The following MYO9B variants were observed in gnomAD, a reference collection of about 807,000 sequenced individuals.
MYO9B encodes the protein unconventional myosin-IXb.
Under a neutral mutation model 229.5 loss-of-function variants are expected in MYO9B, and 71 were observed. The ratio of observed to expected loss-of-function variants is 0.31; its 90% CI spans 0.26 to 0.38. The LOEUF (loss-of-function observed/expected upper bound fraction) is 0.38. Among genes scored for constraint, MYO9B ranks in the 10% least tolerant of loss-of-function variants. MYO9B has a pLI of 1.00. For synonymous variants in MYO9B, 1,185 were observed against 1,235.8 expected (o/e 0.96, Z 0.86); for missense variants, 2,255 against 2,920.5 (o/e 0.77, Z 5.25).
At chr19:17,109,988 C>T (rs1283666911) in intron 2 of MYO9B, among the ~76,000 whole-genome samples, 1 of 152,164 alleles carries the variant, frequency 6.6e-6, no homozygotes, top group Admixed American at 6.5e-5. Context: ...AAGCCTAACC[C>T]GGGGTTTGAA....
chr19:17,120,724 G>A (rs2057955457), intron 2 of MYO9B, among the ~76,000 whole-genome samples: 1 of 151,994 alleles, frequency 6.6e-6, no homozygotes, highest in South Asian at 2.1e-4. Flanking sequence ...AGTCCTCATG[G>A]TGAGTATTGA....
intron 1 of MYO9B, among the ~76,000 whole-genome samples, chr19:17,081,188 C>T (rs2057530870): frequency 6.6e-6 from 1 of 151,992 alleles, no homozygotes; most frequent in South Asian, 2.1e-4. Flanking sequence ...CCACCACGCC[C>T]AGCTACTTTT....
intron 2 of MYO9B, among the ~76,000 whole-genome samples, chr19:17,113,437 C>G (rs967711337): frequency 6.6e-6 from 1 of 152,134 alleles, no homozygotes. Context: ...TCAGGAGTTT[C>G]CCCCCTGCTC....
chr19:17,210,809 A>C lies in MYO9B; in HGVS notation c.5891A>C (p.Glu1964Ala). The change falls in exon 38 of 40, where the codon GAG becomes GCG. Residue 1964 changes from glutamate to alanine, a missense_variant. Coordinates refer to ENST00000682292, the MANE Select transcript of MYO9B (RefSeq NM_004145.4). ...GGCGGCGATGAGGACCGGGAAAAGG[A>C]GATTCTCATTGAACGGATCCAGTCC... ...AAGGDEDREK[E>A]ILIERIQSIK... The C allele has an allele frequency of 6.3e-7, 1 of 1,597,590 alleles. No individual in the cohort carries two copies. The highest frequency in any genetic ancestry group is 8.5e-7 in the Non-Finnish European group (1 of 1,172,688).
intron 35 of MYO9B, among the ~76,000 whole-genome samples, chr19:17,208,740 A>G (rs1337583052): frequency 6.6e-6 from 1 of 152,200 alleles, no homozygotes; most frequent in African/African-American, 2.4e-5. Context: ...GGTGAATGGT[A>G]GTGGATTCCT....
chr19:17,210,688 G>A, intron 37 of MYO9B, 27 bp from the exon 38 acceptor site: 6 of 1,515,960 alleles, frequency 4.0e-6, no homozygotes, highest in Non-Finnish European at 5.3e-6. Context: ...AGAGATGTCA[G>A]TGGGACCCCT....
At chr19:17,187,410 C>T (rs921105768) in intron 18 of MYO9B, among the ~76,000 whole-genome samples, 6 of 152,044 alleles carry the variant, frequency 3.9e-5, no homozygotes, top group African/African-American at 7.2e-5. Context: ...GCCCGGAACA[C>T]TGGGCTTTGT....
intron 2 of MYO9B, among the ~76,000 whole-genome samples, chr19:17,110,058 G>A (rs1179601023): frequency 1.3e-5 from 2 of 152,084 alleles, no homozygotes; most frequent in East Asian, 1.9e-4. Flanking sequence ...TCTCTCGCCC[G>A]GGCTGCAGAA....
At chr19:17,117,762 AC>A (rs1161440059) in intron 2 of MYO9B, among the ~76,000 whole-genome samples, 14 of 151,868 alleles carry the variant, frequency 9.2e-5, no homozygotes, top group African/African-American at 3.4e-4. Flanking sequence ...ACATGGTGAA[AC>A]CCCATCTCTA....
At chr19:17,152,238 G>A (rs1349434361) in intron 3 of MYO9B, among the ~76,000 whole-genome samples, 3 of 151,522 alleles carry the variant, frequency 2.0e-5, no homozygotes, top group African/African-American at 7.3e-5. Context: ...CACTAGGGTG[G>A]CTAGAATAAA....
chr19:17,187,267 T>C (rs1164224254), intron 18 of MYO9B, among the ~76,000 whole-genome samples: 2 of 152,192 alleles, frequency 1.3e-5, no homozygotes, highest in Non-Finnish European at 2.9e-5. Flanking sequence ...CAGCATCTCC[T>C]CTCTCCTGGG....
intron 2 of MYO9B, among the ~76,000 whole-genome samples, chr19:17,121,234 C>T (rs563523050): frequency 1.3e-4 from 20 of 152,246 alleles, no homozygotes; most frequent in Admixed American, 1.1e-3. Flanking sequence ...TCAGCCACGG[C>T]GCCTGGCCTG....
intron 2 of MYO9B, among the ~76,000 whole-genome samples, chr19:17,105,905 C>G (rs1359771673): frequency 1.3e-5 from 2 of 152,146 alleles, no homozygotes; most frequent in African/African-American, 2.4e-5. Context: ...TTTACATCAG[C>G]TTTTAATAAA....
chr19:17,110,541 C>T (rs2145074678), intron 2 of MYO9B, among the ~76,000 whole-genome samples: 1 of 152,320 alleles, frequency 6.6e-6, no homozygotes, highest in East Asian at 1.9e-4. Flanking sequence ...AGGCTGAGTC[C>T]AGGGGGCCAA....
At chr19:17,116,926 G>A (rs933010632) in intron 2 of MYO9B, among the ~76,000 whole-genome samples, 16 of 152,082 alleles carry the variant, frequency 1.1e-4, no homozygotes, top group Non-Finnish European at 8.8e-5. Context: ...CCTGACGTTT[G>A]GAATGATCTA....
chr19:17,168,906 G>A (rs936617883), intron 11 of MYO9B, among the ~76,000 whole-genome samples: 6 of 152,192 alleles, frequency 3.9e-5, no homozygotes, highest in East Asian at 1.9e-4. Context: ...TCCACAGGGC[G>A]CTGTGAAGGC....
At position 17,172,271 on chromosome 19, in the gene MYO9B, T is replaced by G; in HGVS notation, c.1794-65T>G. ...CCTCGTGCACCAGGGGTCTGCAAGA[T>G]AAAATACACAGCAGGTAAATCAGCC... On this transcript the variant is annotated intron_variant, in intron 11 of 39. Transcript: ENST00000682292. The surrounding 1 kb of genome is among the most constrained non-coding windows in gnomAD (Gnocchi z 8.2). 6.3e-7 allele frequency: 1 copy of G among 1,591,048 alleles called. No homozygotes were observed. Among genetic ancestry groups the G allele is most frequent in the Middle Eastern group, 1.7e-4 (1 of 5,974 alleles).
At chr19:17,131,120 C>T (rs982858941) in intron 2 of MYO9B, among the ~76,000 whole-genome samples, 1 of 152,184 alleles carries the variant, frequency 6.6e-6, no homozygotes. Context: ...TAGTAATTTT[C>T]CATCCACTGA....
chr19:17,121,183 T>G (rs2057960530), intron 2 of MYO9B, among the ~76,000 whole-genome samples: 1 of 152,136 alleles, frequency 6.6e-6, no homozygotes, highest in Non-Finnish European at 1.5e-5. Context: ...ACTCAAGCCA[T>G]CCACCCATCT....
Sources: allele counts gnomAD v4.1 joint callset (sites outside exome capture counted in the v4.1 genomes callset), GRCh38; gene constraint gnomAD v4.1.1; non-coding constraint Gnocchi (gnomAD v3.1); transcripts MANE v1.5; gene names NCBI Gene and HGNC (gene_info 2026-07-23, HGNC 2026-07-21).